The following KCNQ1 variants were observed in gnomAD, a reference collection of about 807,000 sequenced individuals.
The protein encoded by KCNQ1 is potassium voltage-gated channel subfamily KQT member 1.
Under a neutral mutation model 72.4 loss-of-function variants are expected in KCNQ1, and 49 were observed. The observed-to-expected ratio is 0.68, with a 90% CI of 0.54 to 0.86. The LOEUF (loss-of-function observed/expected upper bound fraction) is 0.86, where lower values mean the gene tolerates loss of function less well. Ranked by LOEUF, KCNQ1 falls within the 40% of genes least tolerant of loss-of-function variation. KCNQ1 has a pLI of 0.00. For missense variants in KCNQ1, 790 were observed against 945.1 expected, an observed-to-expected ratio of 0.84 and a Z score of 2.15; for synonymous variants, 450 against 412.6, an observed-to-expected ratio of 1.09 and a Z score of -1.10.
rs1851028842 is a variant in KCNQ1, at chr11:2,712,887, C to A, written c.1514+50806C>A. ...GGCAGCATGGGAAATGGAAGGACTG[C>A]AGCCCCCGCCTCCCTCCAAGGCAGT... is the stretch of plus-strand genomic sequence containing the variant. On this transcript the variant is annotated intron_variant, in intron 11 of 15. Transcript: ENST00000155840. This position sits in a 1 kb window ranked among gnomAD's most constrained non-coding sequence, Gnocchi z 6.4. 6.6e-6 allele frequency among the ~76,000 whole-genome samples: 1 copy of A among 152,120 alleles called. No individual in the cohort carries two copies. The highest frequency in any genetic ancestry group is 2.4e-5 in the African/African-American group (1 of 41,398).
intron 11 of KCNQ1, chr11:2,686,860 C>T: frequency 2.5e-6 from 1 of 398,694 alleles, no homozygotes; most frequent in Non-Finnish European, 4.4e-6. Context: ...TGGCCAGAGG[C>T]CCTGGTTTGT....
In KCNQ1 at chr11:2,623,529, T is replaced by A; in HGVS notation, c.1393+34675T>A. On this transcript the variant is annotated intron_variant, in intron 10 of 15. Transcript: ENST00000155840. This position sits in a 1 kb window ranked among gnomAD's most constrained non-coding sequence, Gnocchi z 5.2. ...TGATTGGAATCATACAGTATGTAGT[T>A]TCTTCAGATTGCCTTATTTCACATA... The A allele has an allele frequency of 5.0e-6, 2 of 398,040 alleles. No homozygotes were observed. The highest frequency in any genetic ancestry group is 8.8e-6 in the Non-Finnish European group (2 of 226,048). The allele number at this position is 398,040 out of a possible 1,614,324, so 24.7% of individuals were successfully genotyped here. A position where few individuals can be genotyped will look rare whatever the true frequency, so the allele number is the denominator to read the frequency against.
rs74847994 is a variant in KCNQ1, at chr11:2,515,450, G to A, written c.387-12478G>A. Among the ~76,000 whole-genome samples, 1,660 of 142,652 alleles carry A rather than the reference G, an allele frequency of 0.012. 30 individuals carry two copies. The highest frequency in any genetic ancestry group is 0.039 in the African/African-American group (1,573 of 40,158). The allele number at this position is 142,652 out of a possible 152,430, so 93.6% of individuals were successfully genotyped here. A position where few individuals can be genotyped will look rare whatever the true frequency, so the allele number is the denominator to read the frequency against. On this transcript the variant is annotated intron_variant, in intron 1 of 15. Coordinates refer to ENST00000155840, the MANE Select transcript of KCNQ1 (RefSeq NM_000218.3). The surrounding 1 kb of genome is among the most constrained non-coding windows in gnomAD (Gnocchi z 4.7). The stretch of plus-strand genomic sequence containing the variant: ...GGAGGCCTGTCCACCCCTCCCACCC[G>A]TCCCCGAGGCCCCTGCTGCCCAGCA...
chr11:2,833,049 G>C (rs1268114928), intron 15 of KCNQ1, among the ~76,000 whole-genome samples: 1 of 152,204 alleles, frequency 6.6e-6, no homozygotes, highest in African/African-American at 2.4e-5. Flanking sequence ...TGGTGCCCAA[G>C]GACTGCCCAC....
Position 2,679,886 on chromosome 11 carries a change from ATTTT to A in KCNQ1, c.1514+17812_1514+17815del, listed in dbSNP as rs144309171. ...TATAAACTTAGAACTAGCACGCCTA[ATTTT>A]TTTTTTATTTTTATTTTTTTTGAGG... On this transcript the variant is annotated intron_variant, in intron 11 of 15. Coordinates refer to ENST00000155840, the MANE Select transcript of KCNQ1 (RefSeq NM_000218.3). This position sits in a 1 kb window ranked among gnomAD's most constrained non-coding sequence, Gnocchi z 4.8. The A allele has an allele frequency of 2.6e-6, 1 of 381,654 alleles. No individual in the cohort carries two copies. Among genetic ancestry groups the A allele is most frequent in the East Asian group, 3.7e-5 (1 of 27,024 alleles). The allele number at this position is 381,654 out of a possible 1,614,324, so 23.6% of individuals were successfully genotyped here. A position where few individuals can be genotyped will look rare whatever the true frequency, so the allele number is the denominator to read the frequency against.
In KCNQ1 at chr11:2,497,296, GT is replaced by G. The variant is rs1417412379; in HGVS notation, c.387-30631del. 6.6e-6 allele frequency among the ~76,000 whole-genome samples: 1 copy of G among 152,118 alleles called. No homozygotes were observed. Among genetic ancestry groups the G allele is most frequent in the African/African-American group, 2.4e-5 (1 of 41,420 alleles). On this transcript the variant is annotated intron_variant, in intron 1 of 15. Coordinates refer to ENST00000155840, the MANE Select transcript of KCNQ1 (RefSeq NM_000218.3). The surrounding 1 kb of genome is among the most constrained non-coding windows in gnomAD (Gnocchi z 4.5). ...GTTCCATTCTCCCCGTCACTTTCAG[GT>G]ACAGCAATCAATTGTAGGTTTGGTC...
intron 11 of KCNQ1, among the ~76,000 whole-genome samples, chr11:2,741,052 C>T (rs1025290088): frequency 3.3e-5 from 5 of 152,166 alleles, no homozygotes; most frequent in East Asian, 1.9e-4. Flanking sequence ...CCTTTGGGGG[C>T]GCCCTGGGGT....
At chr11:2,534,750 C>A (rs1470444492) in intron 2 of KCNQ1, among the ~76,000 whole-genome samples, 2 of 152,242 alleles carry the variant, frequency 1.3e-5, no homozygotes, top group Non-Finnish European at 2.9e-5. Context: ...ACCACCCAGG[C>A]CACTCTGAGG....
chr11:2,662,868 T>C, intron 11 of KCNQ1: 1 of 398,758 alleles, frequency 2.5e-6, no homozygotes, highest in Middle Eastern at 6.3e-4. Context: ...TACCAACATT[T>C]TTCTAAAGGG....
In KCNQ1 at chr11:2,750,144, G is replaced by A. The variant is rs1030385536; in HGVS notation, c.1515-18700G>A. On this transcript the variant is annotated intron_variant, in intron 11 of 15. Transcript: ENST00000155840. The surrounding 1 kb of genome is among the most constrained non-coding windows in gnomAD (Gnocchi z 6.3). The stretch of plus-strand genomic sequence containing the variant: ...GACCTGCGCAACCCCACCTGAGTGA[G>A]GCACTGTGGGCCCAGAGTCCAGGTC... 2.0e-5 allele frequency among the ~76,000 whole-genome samples: 3 copies of A among 152,162 alleles called. No individual in the cohort carries two copies. The highest frequency in any genetic ancestry group is 7.2e-5 in the African/African-American group (3 of 41,440).
In KCNQ1 at chr11:2,551,476, CCA is replaced by C. The variant is rs1353431312; in HGVS notation, c.478-19149_478-19148del. 1.8e-4 allele frequency among the ~76,000 whole-genome samples: 27 copies of C among 152,206 alleles called. 1 individual carries two copies. Among genetic ancestry groups the C allele is most frequent in the Non-Finnish European group, 2.9e-5 (2 of 68,044 alleles). On this transcript the variant is annotated intron_variant, in intron 2 of 15. Coordinates refer to ENST00000155840, the MANE Select transcript of KCNQ1 (RefSeq NM_000218.3). ...TTTTATTTGGAAAGGATAAAATGTA[CCA>C]CAGTTTGTTTATCCATTCACAGGCT...
chr11:2,710,390 G>A lies in KCNQ1; in HGVS notation c.1514+48309G>A, dbSNP rs1020454194. On this transcript the variant is annotated intron_variant, in intron 11 of 15. Transcript: ENST00000155840. This position sits in a 1 kb window ranked among gnomAD's most constrained non-coding sequence, Gnocchi z 4.1. ...TAAGTTTTTTATATTCTAGATTCAA[G>A]TTCCTTATCAGATATATTTTCTTCC... Among the ~76,000 whole-genome samples the A allele has an allele frequency of 6.6e-6, 1 of 152,116 alleles. No homozygotes were observed. Among genetic ancestry groups the A allele is most frequent in the African/African-American group, 2.4e-5 (1 of 41,426 alleles).
rs1848179204 is a variant in KCNQ1, at chr11:2,562,178, A to C, written c.478-8450A>C. Among the ~76,000 whole-genome samples, 1 of 125,776 alleles carries C rather than the reference A, an allele frequency of 8.0e-6. No homozygotes were observed. The highest frequency in any genetic ancestry group is 2.8e-4 in the East Asian group (1 of 3,566). 82.5% of individuals were successfully genotyped at this position (125,776 alleles called of 152,430 possible). On this transcript the variant is annotated intron_variant, in intron 2 of 15. Transcript: ENST00000155840. This position sits in a 1 kb window ranked among gnomAD's most constrained non-coding sequence, Gnocchi z 7.5. ...TGTGGCGCCTGCCCCAGGCCAGGCT[A>C]CCTTGGGCGGGGTGGGGACTGGTAC... is the stretch of plus-strand genomic sequence containing the variant.
intron 11 of KCNQ1, among the ~76,000 whole-genome samples, chr11:2,727,202 G>A (rs546034473): frequency 1.3e-4 from 20 of 152,318 alleles, no homozygotes; most frequent in East Asian, 9.6e-4. Flanking sequence ...AAAGCTCAGC[G>A]TCTACAGATG....
In KCNQ1 at chr11:2,617,907, T is replaced by C. The variant is rs1849094289; in HGVS notation, c.1393+29053T>C. ...TCTATTTTCTTGTTATTGAGTTGTA[T>C]GCATTCCTTATAAATTTTGGATATT... On this transcript the variant is annotated intron_variant, in intron 10 of 15. Transcript: ENST00000155840. The surrounding 1 kb of genome is among the most constrained non-coding windows in gnomAD (Gnocchi z 4.6). The C allele has an allele frequency of 2.5e-6, 1 of 398,610 alleles. No individual in the cohort carries two copies. The highest frequency in any genetic ancestry group is 4.4e-6 in the Non-Finnish European group (1 of 226,038). The allele number at this position is 398,610 out of a possible 1,614,324, so 24.7% of individuals were successfully genotyped here.
rs114034083 is a variant in KCNQ1, at chr11:2,828,442, T to C, written c.1795-19325T>C. ...AGGAGAAAAGAGGAGACCAAAAATA[T>C]GTTGACAAAGGTTTGGAAGCTGGGA... On this transcript the variant is annotated intron_variant, in intron 15 of 15. Coordinates refer to ENST00000155840, the MANE Select transcript of KCNQ1 (RefSeq NM_000218.3). The surrounding 1 kb of genome is among the most constrained non-coding windows in gnomAD (Gnocchi z 5.3). Among the ~76,000 whole-genome samples the C allele has an allele frequency of 3.0e-3, 459 of 151,982 alleles. 4 individuals carry two copies. The highest frequency in any genetic ancestry group is 0.011 in the African/African-American group (447 of 41,428).
chr11:2,728,957 GT>G (rs2133938393), intron 11 of KCNQ1, among the ~76,000 whole-genome samples: 1 of 152,374 alleles, frequency 6.6e-6, no homozygotes, highest in African/African-American at 2.4e-5. Flanking sequence ...ATTAATGCTC[GT>G]GATAAGGTGT....
At chr11:2,702,544 A>T (rs904920377) in intron 11 of KCNQ1, among the ~76,000 whole-genome samples, 12 of 152,190 alleles carry the variant, frequency 7.9e-5, no homozygotes, top group Admixed American at 7.9e-4. Context: ...ACACTTAACA[A>T]AACTGTGGGT....
chr11:2,540,060 G>A (rs1022175339), intron 2 of KCNQ1, among the ~76,000 whole-genome samples: 3 of 152,092 alleles, frequency 2.0e-5, no homozygotes, highest in Non-Finnish European at 2.9e-5. Flanking sequence ...CTAGGGGGCT[G>A]CTAGGGAAGT....
Sources: allele counts gnomAD v4.1 joint callset (sites outside exome capture counted in the v4.1 genomes callset), GRCh38; gene constraint gnomAD v4.1.1; non-coding constraint Gnocchi (gnomAD v3.1); transcripts MANE v1.5; gene names NCBI Gene and HGNC (gene_info 2026-07-23, HGNC 2026-07-21).